Variants in PPP2R3A observed in about 807,000 individuals in gnomAD.
PPP2R3A encodes protein phosphatase 2 regulatory subunit B''alpha.
A neutral mutation model predicts 106.9 loss-of-function variants in PPP2R3A; 80 were observed. That is an observed-to-expected ratio of 0.75 (90% CI 0.62 to 0.90). The LOEUF (loss-of-function observed/expected upper bound fraction) is 0.90. PPP2R3A is among the 40% of genes least tolerant of loss of function. The pLI, the probability that PPP2R3A is intolerant of heterozygous loss-of-function variation, is 0.00. For missense variants in PPP2R3A, 1,386 were observed against 1,350.4 expected, an observed-to-expected ratio of 1.03 and a Z score of -0.41; for synonymous variants, 483 against 468.3, an observed-to-expected ratio of 1.03 and a Z score of -0.41.
chr3:136,126,911 C>T (rs1938202702), intron 13 of PPP2R3A, among the ~76,000 whole-genome samples: 1 of 152,144 alleles, frequency 6.6e-6, no homozygotes, highest in Non-Finnish European at 1.5e-5. Flanking sequence ...AACAGACCTG[C>T]AGCTGAGGGA....
intron 2 of PPP2R3A, among the ~76,000 whole-genome samples, chr3:136,009,852 A>C (rs1196654107): frequency 6.6e-6 from 1 of 152,120 alleles, no homozygotes; most frequent in Non-Finnish European, 1.5e-5. Flanking sequence ...AACAGCTCCA[A>C]CTCAGATTAA....
chr3:135,969,156 G>A (rs2107742887), intron 1 of PPP2R3A, among the ~76,000 whole-genome samples: 1 of 152,186 alleles, frequency 6.6e-6, no homozygotes, highest in African/African-American at 2.4e-5. Context: ...GTAATTATTT[G>A]TGATTATAAA....
Position 136,123,520 on chromosome 3 carries a change from G to A in PPP2R3A, c.3329+17198G>A, listed in dbSNP as rs150861042. The stretch of plus-strand genomic sequence containing the variant: ...TAACCCAAAAAAGTGACAAAATTCT[G>A]CATCACAATCAAAGGGCAAACTGGG... On this transcript the variant is annotated intron_variant, in intron 13 of 13. Transcript: ENST00000264977. 1.6e-3 allele frequency among the ~76,000 whole-genome samples: 243 copies of A among 152,250 alleles called. 1 individual carries two copies. Among genetic ancestry groups the A allele is most frequent in the African/African-American group, 5.4e-3 (223 of 41,580 alleles).
At chr3:136,086,018 T>C (rs1409277086) in intron 8 of PPP2R3A, among the ~76,000 whole-genome samples, 1 of 151,924 alleles carries the variant, frequency 6.6e-6, no homozygotes, top group East Asian at 1.9e-4. Context: ...TAGTCCCAGC[T>C]ACTCAGGAGG....
chr3:136,055,273 TCA>T, intron 5 of PPP2R3A: 1 of 854,872 alleles, frequency 1.2e-6, no homozygotes, highest in Non-Finnish European at 2.0e-6. Context: ...TACAAATGGA[TCA>T]CAGACCTGAG....
chr3:136,038,811 T>C (rs1292006918), intron 3 of PPP2R3A, among the ~76,000 whole-genome samples: 3 of 152,214 alleles, frequency 2.0e-5, no homozygotes, highest in Admixed American at 6.5e-5. Flanking sequence ...CCAGAGTATA[T>C]TAATTGTGAG....
intron 2 of PPP2R3A, chr3:136,022,738 T>C: frequency 9.2e-7 from 1 of 1,092,734 alleles, no homozygotes; most frequent in Admixed American, 5.1e-5. Flanking sequence ...GTGCTCCCTT[T>C]CCCAGAAGGC....
chr3:136,127,442 GT>G (rs1559934994), intron 13 of PPP2R3A, among the ~76,000 whole-genome samples: 1 of 152,130 alleles, frequency 6.6e-6, no homozygotes, highest in Non-Finnish European at 1.5e-5. Flanking sequence ...ATGAAATGAA[GT>G]GAGAAGACAA....
At chr3:135,965,958 C>T (rs1487544470) in intron 1 of PPP2R3A, 109 bp downstream of exon 1, 1 of 153,094 alleles carries the variant, frequency 6.5e-6, no homozygotes, top group African/African-American at 2.4e-5. Context: ...GCGGGCGGGG[C>T]CGGGACCTGG....
intron 13 of PPP2R3A, among the ~76,000 whole-genome samples, chr3:136,114,073 T>C (rs1251236776): frequency 1.3e-5 from 2 of 152,094 alleles, no homozygotes; most frequent in Non-Finnish European, 2.9e-5. Flanking sequence ...ACCCAGTTCA[T>C]CTCATTGGGA....
At chr3:136,099,024 G>A (rs1576501531) in intron 10 of PPP2R3A, among the ~76,000 whole-genome samples, 1 of 152,172 alleles carries the variant, frequency 6.6e-6, no homozygotes, top group Admixed American at 6.5e-5. Flanking sequence ...TAAAATGAGT[G>A]TATGCATACT....
At chr3:136,106,536 T>A in intron 13 of PPP2R3A, 1 of 548,618 alleles carries the variant, frequency 1.8e-6, no homozygotes, top group Admixed American at 3.4e-5. Flanking sequence ...TTAATGAGTC[T>A]CATCTTTCAC....
intron 3 of PPP2R3A, among the ~76,000 whole-genome samples, chr3:136,035,877 C>T (rs913621720): frequency 6.6e-6 from 1 of 151,974 alleles, no homozygotes; most frequent in East Asian, 1.9e-4. Flanking sequence ...TAGGTTTGGT[C>T]GTTTAACATA....
chr3:136,119,956 A>G (rs994918117), intron 13 of PPP2R3A, among the ~76,000 whole-genome samples: 1 of 152,178 alleles, frequency 6.6e-6, no homozygotes, highest in African/African-American at 2.4e-5. Flanking sequence ...AACCAACCCA[A>G]ATGTCCATCA....
At chr3:136,122,970 G>GA (rs1029956787) in intron 13 of PPP2R3A, among the ~76,000 whole-genome samples, 9 of 152,178 alleles carry the variant, frequency 5.9e-5, no homozygotes, top group African/African-American at 1.4e-4. Flanking sequence ...TAGTTTGGGG[G>GA]AAAAAATCTT....
At chr3:135,980,442 G>A (rs1347367235) in intron 1 of PPP2R3A, among the ~76,000 whole-genome samples, 2 of 136,434 alleles carry the variant, frequency 1.5e-5, no homozygotes, top group South Asian at 2.4e-4. Context: ...AGCATAAAAT[G>A]TTCCAAAAAA....
intron 4 of PPP2R3A, among the ~76,000 whole-genome samples, chr3:136,042,039 C>G (rs1935306147): frequency 6.6e-6 from 1 of 152,184 alleles, no homozygotes; most frequent in Non-Finnish European, 1.5e-5. Context: ...AAATGCTACT[C>G]ACCTATTGTT....
chr3:136,078,057 T>C (rs1936655370), intron 6 of PPP2R3A, among the ~76,000 whole-genome samples: 1 of 152,164 alleles, frequency 6.6e-6, no homozygotes, highest in Non-Finnish European at 1.5e-5. Context: ...TTGAGCCCCA[T>C]AAGCATTACT....
chr3:136,074,819 G>A (rs1172558596), intron 6 of PPP2R3A, among the ~76,000 whole-genome samples: 1 of 152,144 alleles, frequency 6.6e-6, no homozygotes, highest in African/African-American at 2.4e-5. Context: ...CTCACACTAA[G>A]AGCTTACCAA....
Sources: allele counts gnomAD v4.1 joint callset (sites outside exome capture counted in the v4.1 genomes callset), GRCh38; gene constraint gnomAD v4.1.1; transcripts MANE v1.5; gene names NCBI Gene and HGNC (gene_info 2026-07-23, HGNC 2026-07-21).